Variants in NFAT5 observed in about 807,000 individuals in gnomAD.
The protein encoded by NFAT5 is nuclear factor of activated T-cells 5.
In NFAT5, 31 loss-of-function variants were observed where a neutral mutation model predicts 166.5. The observed-to-expected ratio is 0.19, with a 90% CI of 0.14 to 0.25. NFAT5 has a LOEUF of 0.25. Ranked by LOEUF, NFAT5 falls within the 10% of genes least tolerant of loss-of-function variation. The probability of loss-of-function intolerance (pLI) is 1.00; values close to 1 mark genes in which losing one functional copy is unlikely to be tolerated. For synonymous variants in NFAT5, 612 were observed against 639.7 expected, an observed-to-expected ratio of 0.96 and a Z score of 0.65; for missense variants, 1,449 against 1,821.8, an observed-to-expected ratio of 0.80 and a Z score of 3.72.
intron 7 of NFAT5, among the ~76,000 whole-genome samples, chr16:69,661,319 C>T (rs552964940): frequency 2.8e-4 from 42 of 149,158 alleles, no homozygotes; most frequent in African/African-American, 1.0e-3. Flanking sequence ...TAACATAAGC[C>T]AGAAACTTAT....
intron 2 of NFAT5, among the ~76,000 whole-genome samples, chr16:69,588,132 T>C (rs1400820446): frequency 6.6e-6 from 1 of 151,438 alleles, no homozygotes; most frequent in Non-Finnish European, 1.5e-5. Flanking sequence ...TTTGTGTTTT[T>C]AGTAGACACA....
chr16:69,661,113 T>C (rs932959970), intron 7 of NFAT5, among the ~76,000 whole-genome samples: 7 of 140,494 alleles, frequency 5.0e-5, no homozygotes, highest in African/African-American at 1.6e-4. Context: ...AGATTGTGGC[T>C]CATGCCTGTA....
intron 3 of NFAT5, among the ~76,000 whole-genome samples, chr16:69,643,613 T>G (rs934973464): frequency 5.3e-5 from 8 of 152,116 alleles, no homozygotes; most frequent in Non-Finnish European, 8.8e-5. Context: ...TAATATATAT[T>G]CTAAGTACTT....
At chr16:69,593,637 A>T (rs899247472) in intron 2 of NFAT5, among the ~76,000 whole-genome samples, 33 of 152,276 alleles carry the variant, frequency 2.2e-4, no homozygotes, top group African/African-American at 7.7e-4. Flanking sequence ...TAACAAAGTA[A>T]TTTTGAGAAC....
At chr16:69,616,125 A>G (rs150672009) in intron 2 of NFAT5, among the ~76,000 whole-genome samples, 1 of 152,162 alleles carries the variant, frequency 6.6e-6, no homozygotes, top group African/African-American at 2.4e-5. Context: ...CTATCTACGG[A>G]AATGCCCTCT....
intron 2 of NFAT5, among the ~76,000 whole-genome samples, chr16:69,591,347 A>G (rs1055199985): frequency 1.2e-3 from 171 of 147,186 alleles, no homozygotes; most frequent in Non-Finnish European, 3.6e-4. Flanking sequence ...AAAGCTTTAG[A>G]TAGTTGGTTT....
chr16:69,665,089 G>A (rs909388281), intron 7 of NFAT5, among the ~76,000 whole-genome samples: 1 of 152,280 alleles, frequency 6.6e-6, no homozygotes, highest in East Asian at 1.9e-4. Flanking sequence ...AAGTAATCTT[G>A]ACTTTAGTTG....
chr16:69,633,310 AT>A (rs1289275892), intron 3 of NFAT5, among the ~76,000 whole-genome samples: 1 of 152,238 alleles, frequency 6.6e-6, no homozygotes, highest in African/African-American at 2.4e-5. Flanking sequence ...CTAAATACTT[AT>A]AGAAAATAGA....
intron 2 of NFAT5, among the ~76,000 whole-genome samples, chr16:69,577,324 C>G (rs953651422): frequency 6.6e-6 from 1 of 152,056 alleles, no homozygotes; most frequent in African/African-American, 2.4e-5. Flanking sequence ...TGGGCCAGAA[C>G]CTATGTGTAA....
At position 69,596,711 on chromosome 16, in the gene NFAT5, C is replaced by CT. The variant is rs1276836800; in HGVS notation, c.127+28164dup. Among the ~76,000 whole-genome samples, 4 of 141,078 alleles carry CT rather than the reference C, an allele frequency of 2.8e-5. No homozygotes were observed. The East Asian group carries it at 8.3e-4, about 29-fold the overall frequency. The allele number at this position is 141,078 out of a possible 152,430, so 92.6% of individuals were successfully genotyped here. A position where few individuals can be genotyped will look rare whatever the true frequency, so the allele number is the denominator to read the frequency against. ...CTAGCCTGGGCGACAGAGCAAGACT[C>CT]TATCTTAAAAAAAAAAAAAAAAAAA... On this transcript the variant is annotated intron_variant, in intron 2 of 14. Coordinates refer to ENST00000349945, the MANE Select transcript of NFAT5 (RefSeq NM_138713.4).
intron 2 of NFAT5, among the ~76,000 whole-genome samples, chr16:69,581,353 G>T (rs2031676941): frequency 6.6e-6 from 1 of 152,142 alleles, no homozygotes; most frequent in Non-Finnish European, 1.5e-5. Context: ...ATGGATATTT[G>T]TGTCATTTCC....
At chr16:69,619,118 A>G (rs1404509460) in intron 2 of NFAT5, among the ~76,000 whole-genome samples, 1 of 152,222 alleles carries the variant, frequency 6.6e-6, no homozygotes, top group African/African-American at 2.4e-5. Context: ...GTCATAAAGT[A>G]GATGGGCTCT....
chr16:69,629,768 A>T (rs1385385181), intron 3 of NFAT5, among the ~76,000 whole-genome samples: 1 of 111,740 alleles, frequency 8.9e-6, no homozygotes, highest in Non-Finnish European at 1.8e-5. Flanking sequence ...CACTGGGCTA[A>T]TTTTTTTTTT....
Position 69,566,309 on chromosome 16 carries a change from C to G in NFAT5, c.8C>G (p.Ser3Trp). MP[S>W]DFISLLSADL... ...GGGCTGGGTCGAGCTGCGATGCCCTCGGACTTCATCTCATTGCTCAGCGCG... is the reference window on the plus strand; with the variant it reads ...GGGCTGGGTCGAGCTGCGATGCCCTGGGACTTCATCTCATTGCTCAGCGCG... The change falls in exon 1 of 15, where the codon TCG (serine) becomes TGG (tryptophan). Residue 3 changes from serine (S) to tryptophan (W), a missense_variant. By Grantham distance (177) the Ser-to-Trp change is radical. Around this residue, in one of 7 missense-constraint regions of NFAT5, gnomAD observed 172 missense variants for 194.5 expected, o/e 0.88. Transcript: ENST00000349945. The surrounding 1 kb of genome is among the most constrained non-coding windows in gnomAD (Gnocchi z 5.7). 11 of 1,605,878 alleles carry G rather than the reference C, an allele frequency of 6.8e-6. No homozygotes were observed. Among genetic ancestry groups the G allele is most frequent in the Non-Finnish European group, 9.3e-6 (11 of 1,177,390 alleles).
At position 69,692,384 on chromosome 16, in the gene NFAT5, T is replaced by A. The variant is rs754912220; in HGVS notation, c.2559T>A (p.Ser853Arg). ...QLSADIFQQV[S>R]QIQSGVSPGM... ...GTGCAGATATTTTTCAACAAGTCAG[T>A]CAAATTCAGAGTGGTGTAAGCCCTG... The change falls in exon 13 of 15, where the codon AGT becomes AGA. Residue 853 changes from serine to arginine, a missense_variant. Physicochemically the swap from Ser to Arg is moderately radical, Grantham distance 110. Around this residue, in one of 7 missense-constraint regions of NFAT5, gnomAD observed 891 missense variants for 993.0 expected, o/e 0.90. Coordinates refer to ENST00000349945, the MANE Select transcript of NFAT5 (RefSeq NM_138713.4). 3.5e-5 allele frequency: 56 copies of A among 1,614,058 alleles called. 1 individual carries two copies. The South Asian group carries it at 5.9e-4, about 17-fold the overall frequency.
intron 2 of NFAT5, among the ~76,000 whole-genome samples, chr16:69,607,443 C>T (rs191590833): frequency 4.6e-5 from 7 of 152,276 alleles, no homozygotes; most frequent in Admixed American, 2.6e-4. Context: ...TTATCTGTTA[C>T]GTATAGTCAT....
At chr16:69,632,736 T>C (rs1461847055) in intron 3 of NFAT5, among the ~76,000 whole-genome samples, 2 of 152,180 alleles carry the variant, frequency 1.3e-5, no homozygotes, top group African/African-American at 4.8e-5. Flanking sequence ...CCTAATGTAG[T>C]ATACTCTTCA....
chr16:69,597,092 AG>A (rs1224555417), intron 2 of NFAT5, among the ~76,000 whole-genome samples: 3 of 152,150 alleles, frequency 2.0e-5, no homozygotes, highest in Admixed American at 6.5e-5. Flanking sequence ...TTCCAGGCAG[AG>A]GGGAGAATAC....
intron 11 of NFAT5, among the ~76,000 whole-genome samples, chr16:69,688,132 C>A (rs1357748079): frequency 6.9e-6 from 1 of 145,538 alleles, no homozygotes; most frequent in East Asian, 2.1e-4. Flanking sequence ...GGAAGCGGAG[C>A]TTGCAGTGAG....
Sources: gnomAD v4.1 joint callset for allele counts (sites outside exome capture counted in the v4.1 genomes callset) on GRCh38, gnomAD v4.1.1 for gene constraint, gnomAD v4.1.1 regional missense constraint, Gnocchi (gnomAD v3.1) non-coding constraint, MANE v1.5 for transcripts, NCBI Gene and HGNC (gene_info 2026-07-23, HGNC 2026-07-21) for gene names.